The following COL6A5 variants were observed in gnomAD, a reference collection of about 807,000 sequenced individuals.
COL6A5 encodes collagen alpha-5(VI) chain.
Under a neutral mutation model 65.6 loss-of-function variants are expected in COL6A5, and 48 were observed. The ratio of observed to expected loss-of-function variants is 0.73; its 90% CI spans 0.58 to 0.93. The LOEUF (loss-of-function observed/expected upper bound fraction) is 0.93. Ranked by LOEUF, COL6A5 falls within the 40% of genes least tolerant of loss-of-function variation. The pLI, the probability that COL6A5 is intolerant of heterozygous loss-of-function variation, is 0.00. For synonymous variants in COL6A5, 291 were observed against 322.8 expected (o/e 0.90, Z 1.05); for missense variants, 914 against 928.3 (o/e 0.98, Z 0.20).
At chr3:130,423,788 C>CA (rs1304917998) in intron 28 of COL6A5, 50 bp from the exon 29 acceptor site, 1 of 1,388,222 alleles carries the variant, frequency 7.2e-7, no homozygotes, top group South Asian at 1.3e-5. Flanking sequence ...AAGTAGTCCC[C>CA]ATAGATAGAC....
chr3:130,429,465 C>T (rs1937702652), upstream of COL6A5: 2 of 894,322 alleles, frequency 2.2e-6, no homozygotes, highest in Non-Finnish European at 3.4e-6. Context: ...GCCTCATTTG[C>T]AGTTAGACTC....
At chr3:130,409,869 C>T in intron 18 of COL6A5, 140 bp from the exon 19 acceptor site, 1 of 571,388 alleles carries the variant, frequency 1.8e-6, no homozygotes, top group African/African-American at 1.9e-5. Flanking sequence ...TTCCAAAATC[C>T]TGTGAGTTTC....
intron 5 of COL6A5, 117 bp downstream of exon 5, chr3:130,385,481 C>A: frequency 1.9e-6 from 2 of 1,076,566 alleles, no homozygotes; most frequent in Non-Finnish European, 2.6e-6. Context: ...ATTTTGCTAG[C>A]TTCCTTTATT....
chr3:130,379,398 C>A lies in COL6A5; in HGVS notation c.668-20C>A. ...GGCCAGTGGTTTATACTAATCCTCA[C>A]ACATTTTCTGTCTGCATAGTTCACT... On this transcript the variant is annotated intron_variant and NMD_transcript_variant, in intron 3 of 41. Transcript: ENST00000312481. 6.5e-7 allele frequency: 1 copy of A among 1,540,878 alleles called. No individual in the cohort carries two copies. Among genetic ancestry groups the A allele is most frequent in the East Asian group, 2.5e-5 (1 of 40,792 alleles).
exon 8 of COL6A5, chr3:130,484,054 A>G: frequency 6.2e-7 from 1 of 1,607,994 alleles, no homozygotes; most frequent in Non-Finnish European, 8.5e-7. Flanking sequence ...ATACAAGGTC[A>G]TCATAGGAGA....
chr3:130,423,448 C>T (rs944324229), intron 28 of COL6A5, among the ~76,000 whole-genome samples: 6 of 152,116 alleles, frequency 3.9e-5, no homozygotes, highest in African/African-American at 1.2e-4. Flanking sequence ...ATGAGAATGA[C>T]ATAGCCCACT....
upstream of COL6A5, chr3:130,431,407 G>A (rs1191147791): frequency 4.0e-5 from 61 of 1,534,908 alleles, no homozygotes; most frequent in South Asian, 3.2e-4. Context: ...GTAAAGAGTT[G>A]GGGAAAGGAT....
chr3:130,480,773 CCTCT>C (rs1174659353), intron 7 of COL6A5, among the ~76,000 whole-genome samples: 1 of 152,116 alleles, frequency 6.6e-6, no homozygotes, highest in Non-Finnish European at 1.5e-5. Flanking sequence ...TAGGCTGGAA[CCTCT>C]CTAAGATTCT....
intron 1 of COL6A5, among the ~76,000 whole-genome samples, chr3:130,364,548 A>T (rs949589431): frequency 6.6e-6 from 1 of 152,226 alleles, no homozygotes; most frequent in Non-Finnish European, 1.5e-5. Flanking sequence ...TTTGGGGCAG[A>T]TGGAAATATG....
chr3:130,422,530 T>C (rs1353531962), intron 27 of COL6A5, among the ~76,000 whole-genome samples, 190 bp from the exon 28 acceptor site: 1 of 151,926 alleles, frequency 6.6e-6, no homozygotes, highest in Non-Finnish European at 1.5e-5. Context: ...AAATTAAAAA[T>C]AGTTTGAAGA....
At chr3:130,371,618 A>G (rs551397434) in intron 1 of COL6A5, among the ~76,000 whole-genome samples, 28 of 151,622 alleles carry the variant, frequency 1.8e-4, no homozygotes, top group African/African-American at 6.1e-4. Context: ...CGGTAATTGT[A>G]TATCCACATA....
chr3:130,437,311 A>T (rs572629911), intron 1 of COL6A5, among the ~76,000 whole-genome samples: 1 of 152,258 alleles, frequency 6.6e-6, no homozygotes, highest in African/African-American at 2.4e-5. Flanking sequence ...TGATATAAGT[A>T]CTAATCTTGG....
At chr3:130,382,690 A>C (rs1267531439) in intron 4 of COL6A5, among the ~76,000 whole-genome samples, 1 of 152,114 alleles carries the variant, frequency 6.6e-6, no homozygotes, top group Non-Finnish European at 1.5e-5. Flanking sequence ...AGAATGATCA[A>C]CGCTCAGAGA....
intron 1 of COL6A5, among the ~76,000 whole-genome samples, chr3:130,368,926 T>A (rs535070414): frequency 9.2e-5 from 14 of 152,328 alleles, no homozygotes; most frequent in African/African-American, 3.1e-4. Flanking sequence ...ATTTAAGCTT[T>A]AGCTCAGCCA....
At chr3:130,388,330 T>C (rs1328034656) in intron 5 of COL6A5, among the ~76,000 whole-genome samples, 2 of 150,196 alleles carry the variant, frequency 1.3e-5, no homozygotes, top group African/African-American at 2.5e-5. Context: ...GAAAGAAATA[T>C]GAATAAATGA....
intron 5 of COL6A5, among the ~76,000 whole-genome samples, chr3:130,467,243 G>A (rs182033180): frequency 1.2e-4 from 18 of 151,976 alleles, no homozygotes; most frequent in Middle Eastern, 3.4e-3. Context: ...GTTAACAGAA[G>A]CTAGGAAGGC....
chr3:130,353,199 C>T (rs1303987518), intron 1 of COL6A5, among the ~76,000 whole-genome samples: 1 of 152,128 alleles, frequency 6.6e-6, no homozygotes, highest in Non-Finnish European at 1.5e-5. Flanking sequence ...CAATAAACTA[C>T]AAAATAGCCA....
intron 1 of COL6A5, among the ~76,000 whole-genome samples, chr3:130,434,959 C>T (rs1319560676): frequency 6.6e-6 from 1 of 152,126 alleles, no homozygotes; most frequent in Non-Finnish European, 1.5e-5. Context: ...TTCCATTTGT[C>T]AATTTTGGCT....
exon 3 of COL6A5, chr3:130,376,639 T>C (rs1346429168): frequency 1.9e-6 from 3 of 1,612,422 alleles, no homozygotes; most frequent in East Asian, 2.2e-5. Context: ...TCGAAAGCCC[T>C]GCAGAAAGAC....
Sources: allele counts gnomAD v4.1 joint callset (sites outside exome capture counted in the v4.1 genomes callset), GRCh38; gene constraint gnomAD v4.1.1; transcripts MANE v1.5; gene names NCBI Gene and HGNC (gene_info 2026-07-23, HGNC 2026-07-21).